Variants in CNTNAP4 observed in about 807,000 individuals in gnomAD.
The protein encoded by CNTNAP4 is contactin associated protein family member 4.
Under a neutral mutation model 148.4 loss-of-function variants are expected in CNTNAP4, and 98 were observed. That is an observed-to-expected ratio of 0.66 (90% confidence interval 0.56 to 0.78). CNTNAP4 has a LOEUF of 0.78. Among genes scored for constraint, CNTNAP4 ranks in the 30% least tolerant of loss-of-function variants. The probability of loss-of-function intolerance (pLI) is 0.00; values close to 1 mark genes in which losing one functional copy is unlikely to be tolerated. For synonymous variants in CNTNAP4, 730 were observed against 565.1 expected, an observed-to-expected ratio of 1.29 and a Z score of -4.14; for missense variants, 1,935 against 1,565.6, an observed-to-expected ratio of 1.24 and a Z score of -3.98.
intron 2 of CNTNAP4, among the ~76,000 whole-genome samples, chr16:76,354,491 C>A (rs1198830826): frequency 2.0e-5 from 3 of 152,184 alleles, no homozygotes; most frequent in Non-Finnish European, 4.4e-5. Flanking sequence ...CTCTTACCCA[C>A]CACCCTGCTC....
At chr16:76,427,376 A>G (rs7192076) in intron 3 of CNTNAP4, 76 bp from the exon 4 acceptor site, 3 of 1,277,934 alleles carry the variant, frequency 2.3e-6, no homozygotes, top group African/African-American at 1.5e-5. Context: ...ACACATTGCT[A>G]ATAGACATTA....
At chr16:76,308,847 T>A (rs1414115978) in intron 1 of CNTNAP4, among the ~76,000 whole-genome samples, 1 of 152,068 alleles carries the variant, frequency 6.6e-6, no homozygotes, top group Non-Finnish European at 1.5e-5. Flanking sequence ...ATTTTAGAGA[T>A]GGGGTCTTGC....
At position 76,326,145 on chromosome 16, in the gene CNTNAP4, T is replaced by C. The variant is rs116474066; in HGVS notation, c.196+9622T>C. On this transcript the variant is annotated intron_variant, in intron 2 of 23. Transcript: ENST00000611870. ...TTCAAGGAGGCCAGCATAACCTTGA[T>C]ACCAAACAGTGTCAAGGACAAACAA... Among the ~76,000 whole-genome samples the C allele has an allele frequency of 5.7e-3, 866 of 152,184 alleles. 4 individuals are homozygous for C. The highest frequency in any genetic ancestry group is 0.015 in the African/African-American group (607 of 41,530).
At chr16:76,400,236 A>G (rs1487887535) in intron 3 of CNTNAP4, among the ~76,000 whole-genome samples, 1 of 152,176 alleles carries the variant, frequency 6.6e-6, no homozygotes, top group African/African-American at 2.4e-5. Context: ...CTGGGGTGCA[A>G]TGTGATGTTT....
At chr16:76,372,359 A>G (rs2014937581) in intron 3 of CNTNAP4, among the ~76,000 whole-genome samples, 1 of 150,086 alleles carries the variant, frequency 6.7e-6, no homozygotes, top group Non-Finnish European at 1.5e-5. Flanking sequence ...TGTGTTAGCC[A>G]GGATGGTCTC....
intron 8 of CNTNAP4, among the ~76,000 whole-genome samples, chr16:76,456,804 G>A (rs1435036619): frequency 1.3e-5 from 2 of 152,160 alleles, no homozygotes; most frequent in Non-Finnish European, 2.9e-5. Flanking sequence ...TTGCAGACAG[G>A]GAAGAGTGTA....
Position 76,540,573 on chromosome 16 carries a change from T to G in CNTNAP4, c.3355-130T>G, listed in dbSNP as rs564895160. 312 of 401,038 alleles carry G rather than the reference T, an allele frequency of 7.8e-4. 2 individuals carry two copies. The highest frequency in any genetic ancestry group is 6.0e-3 in the African/African-American group (287 of 47,846). 24.8% of individuals were successfully genotyped at this position (401,038 alleles called of 1,614,324 possible). On this transcript the variant is annotated intron_variant, in intron 20 of 23. Transcript: ENST00000611870. ...GTGGCTAAGCTTTTAAATTTTGTTT[T>G]TTTCTAAATGTTTGGGGCCATGCTA...
At chr16:76,511,702 C>T (rs558689655) in intron 15 of CNTNAP4, among the ~76,000 whole-genome samples, 12 of 151,464 alleles carry the variant, frequency 7.9e-5, no homozygotes, top group African/African-American at 1.9e-4. Flanking sequence ...CTTTCTCTTC[C>T]TCTTTTTCTT....
intron 1 of CNTNAP4, among the ~76,000 whole-genome samples, chr16:76,278,692 C>G (rs1958575566): frequency 6.6e-6 from 1 of 152,186 alleles, no homozygotes; most frequent in African/African-American, 2.4e-5. Flanking sequence ...AGCTCATTTG[C>G]TTTCCAAGAA....
At chr16:76,374,318 G>A (rs558534255) in intron 3 of CNTNAP4, among the ~76,000 whole-genome samples, 3 of 152,294 alleles carry the variant, frequency 2.0e-5, no homozygotes, top group East Asian at 1.9e-4. Flanking sequence ...TTATTTTAGC[G>A]AGTTTGTGGA....
At chr16:76,307,241 A>C (rs1472753163) in intron 1 of CNTNAP4, among the ~76,000 whole-genome samples, 2 of 152,044 alleles carry the variant, frequency 1.3e-5, no homozygotes, top group African/African-American at 4.8e-5. Flanking sequence ...AATGACAGAC[A>C]ATTTGCAGGT....
intron 17 of CNTNAP4, among the ~76,000 whole-genome samples, chr16:76,530,845 G>A (rs533027917): frequency 4.6e-4 from 70 of 152,336 alleles, no homozygotes; most frequent in Non-Finnish European, 8.1e-4. Context: ...TTAACCAACA[G>A]CACTATTTCT....
rs138273210 is a variant in CNTNAP4 at position 76,375,297 on chromosome 16, C to G, written c.390+19786C>G. On this transcript the variant is annotated intron_variant, in intron 3 of 23. Coordinates refer to ENST00000611870, the MANE Select transcript of CNTNAP4 (RefSeq NM_033401.5). ...ATCAGCCAGGCGTGGTGGCATGTGC[C>G]TGCAGTCCCAGCTACTGGGGAGGCT... Among the ~76,000 whole-genome samples the G allele has an allele frequency of 2.6e-3, 389 of 152,196 alleles. 2 individuals are homozygous for G. The highest frequency in any genetic ancestry group is 8.9e-3 in the African/African-American group (371 of 41,542).
rs1261226164 is a variant in CNTNAP4 at position 76,277,454 on chromosome 16, GAGAC to G, written c.-205_-202del. The stretch of plus-strand genomic sequence containing the variant: ...GTGTGAGAGAGAGAGAGAAAAGAGA[GAGAC>G]AGAGACGGGGAGAGAGAGAGGGAGA... On this transcript the variant is annotated 5_prime_UTR_variant, in exon 1 of 24. Coordinates refer to ENST00000611870, the MANE Select transcript of CNTNAP4 (RefSeq NM_033401.5). 5 of 548,834 alleles carry G rather than the reference GAGAC, an allele frequency of 9.1e-6. No homozygotes were observed. Among genetic ancestry groups the G allele is most frequent in the African/African-American group, 1.9e-5 (1 of 52,792 alleles). The allele number at this position is 548,834 out of a possible 1,614,324, so 34.0% of individuals were successfully genotyped here.
intron 1 of CNTNAP4, among the ~76,000 whole-genome samples, chr16:76,308,166 CTCA>C (rs1378053243): frequency 2.0e-5 from 3 of 152,120 alleles, no homozygotes; most frequent in Admixed American, 1.3e-4. Flanking sequence ...GAATTAGAAG[CTCA>C]TGTTTGTGTT....
intron 2 of CNTNAP4, among the ~76,000 whole-genome samples, chr16:76,352,689 T>C (rs908656976): frequency 8.5e-5 from 13 of 152,110 alleles, no homozygotes; most frequent in Admixed American, 3.3e-4. Context: ...AATACAGTAT[T>C]AGAATAAGTA....
intron 2 of CNTNAP4, among the ~76,000 whole-genome samples, chr16:76,346,241 G>A (rs902005686): frequency 9.9e-5 from 15 of 152,090 alleles, no homozygotes; most frequent in Admixed American, 7.9e-4. Flanking sequence ...TTAATCAACC[G>A]AATGTCTGAA....
At chr16:76,340,597 A>G (rs1031760029) in intron 2 of CNTNAP4, among the ~76,000 whole-genome samples, 2 of 152,020 alleles carry the variant, frequency 1.3e-5, no homozygotes, top group Non-Finnish European at 2.9e-5. Flanking sequence ...CTACCTCACT[A>G]AACTTTCTCC....
chr16:76,520,965 T>C (rs1457493077), intron 15 of CNTNAP4, among the ~76,000 whole-genome samples, 175 bp from the exon 16 acceptor site: 1 of 152,192 alleles, frequency 6.6e-6, no homozygotes, highest in East Asian at 1.9e-4. Flanking sequence ...AAATCTCTTA[T>C]GATATACTCA....
Sources: allele counts gnomAD v4.1 joint callset (sites outside exome capture counted in the v4.1 genomes callset), GRCh38; gene constraint gnomAD v4.1.1; transcripts MANE v1.5; gene names NCBI Gene and HGNC (gene_info 2026-07-23, HGNC 2026-07-21).